ABL2: variants seen among roughly 807,000 people sequenced by gnomAD.
ABL2 encodes the protein ABL proto-oncogene 2, non-receptor tyrosine kinase, also known as tyrosine-protein kinase ABL2.
In ABL2, 49 loss-of-function variants were observed where a neutral mutation model predicts 107.7. The ratio of observed to expected loss-of-function variants is 0.45; its 90% CI spans 0.36 to 0.58. ABL2 has a LOEUF of 0.58. ABL2 is among the 20% of genes least tolerant of loss of function. The probability of loss-of-function intolerance (pLI) is 0.00; values close to 1 mark genes in which losing one functional copy is unlikely to be tolerated. For synonymous variants in ABL2, 549 were observed against 548.6 expected, an observed-to-expected ratio of 1.00 and a Z score of -0.01; for missense variants, 1,245 against 1,457.0, an observed-to-expected ratio of 0.85 and a Z score of 2.37.
intron 1 of ABL2, among the ~76,000 whole-genome samples, chr1:179,135,605 G>T (rs1409022161): frequency 6.6e-6 from 1 of 151,770 alleles, no homozygotes; most frequent in African/African-American, 2.4e-5. Context: ...GAGGTGGGGG[G>T]GTCAGCCCCC....
At position 179,229,287 on chromosome 1, in the gene ABL2, C is replaced by T. The variant is rs1370262408; in HGVS notation, c.111G>A (p.Pro37=). The T allele has an allele frequency of 3.2e-6, 5 of 1,572,156 alleles. No individual in the cohort carries two copies. In the South Asian group the frequency reaches 5.8e-5, roughly 18 times the overall value. ...AGCCGGTCTCTGTGGTGCGCCCCGC[C>T]GGGTCCCGCCTGCGGCCGGAGGGCC... is the stretch of plus-strand genomic sequence containing the variant. The part of the protein sequence containing the change: ...AARPSGRRRD[P]AGRTTETGFN... Residue 37 remains proline (P), a synonymous_variant, in exon 1 of 12, where the codon CCG becomes CCA. Transcript: ENST00000502732.
In ABL2 at chr1:179,107,574, G is replaced by A. The variant is rs148807564; in HGVS notation, c.*144C>T. Reference sequence around the variant, plus strand: ...TTATTTTTGAGATGAAACTGTAAACGTGAGAACTCAGGGATCTGAGGTACT... The same window carrying A: ...TTATTTTTGAGATGAAACTGTAAACATGAGAACTCAGGGATCTGAGGTACT... On this transcript the variant is annotated 3_prime_UTR_variant, in exon 12 of 12. Transcript: ENST00000502732. 22 of 1,438,552 alleles carry A rather than the reference G, an allele frequency of 1.5e-5. No homozygotes were observed. The Admixed American group carries it at 3.5e-4, about 23-fold the overall frequency. The allele number at this position is 1,438,552 out of a possible 1,614,324, so 89.1% of individuals were successfully genotyped here.
In ABL2 at chr1:179,199,493, C is replaced by G. The variant is rs189624296; in HGVS notation, c.157+29748G>C. Among the ~76,000 whole-genome samples, 17 of 152,148 alleles carry G rather than the reference C, an allele frequency of 1.1e-4. No homozygotes were observed. In the East Asian group the frequency reaches 3.1e-3, roughly 28 times the overall value. ...ACTTTACCTTCTCTCTTTTTCTCCC[C>G]CTTTAAACTTCTCCAATCTCTCTAC... On this transcript the variant is annotated intron_variant, in intron 1 of 11. Coordinates refer to ENST00000502732, the MANE Select transcript of ABL2 (RefSeq NM_007314.4).
rs889086444 is a variant in ABL2 at position 179,103,233 on chromosome 1, T to C, written c.*4485A>G. The C allele has an allele frequency of 9.6e-6, 2 of 209,316 alleles. No individual in the cohort carries two copies. Among genetic ancestry groups the C allele is most frequent in the Admixed American group, 5.9e-5 (1 of 16,916 alleles). 13.0% of individuals were successfully genotyped at this position (209,316 alleles called of 1,614,324 possible). The stretch of plus-strand genomic sequence containing the variant: ...TCTGAACTACAACTTTAGCAAACAC[T>C]TGCTATACCTGCTCATACCTGTTAA... On this transcript the variant is annotated 3_prime_UTR_variant, in exon 12 of 12. Coordinates refer to ENST00000502732, the MANE Select transcript of ABL2 (RefSeq NM_007314.4).
Position 179,112,492 on chromosome 1 carries a change from A to C in ABL2, c.1562-94T>G, listed in dbSNP as rs552639421. 4.0e-5 allele frequency: 36 copies of C among 903,550 alleles called. No homozygotes were observed. The South Asian group carries it at 5.6e-4, about 14-fold the overall frequency. 56.0% of individuals were successfully genotyped at this position (903,550 alleles called of 1,614,324 possible). A position where few individuals can be genotyped will look rare whatever the true frequency, so the allele number is the denominator to read the frequency against. The stretch of plus-strand genomic sequence containing the variant: ...ATGAGTTCTATGCATCATGATGCAC[A>C]CTTATTAAAGTACAGTTACAGCATG... On this transcript the variant is annotated intron_variant, in intron 9 of 11. Transcript: ENST00000502732.
At chr1:179,175,705 T>C (rs960709320) in intron 1 of ABL2, among the ~76,000 whole-genome samples, 17 of 152,166 alleles carry the variant, frequency 1.1e-4, no homozygotes, top group African/African-American at 3.9e-4. Flanking sequence ...CTGTCTGGCA[T>C]GTCACTGTCT....
intron 1 of ABL2, among the ~76,000 whole-genome samples, chr1:179,195,856 A>G (rs1661279686): frequency 6.6e-6 from 1 of 152,236 alleles, no homozygotes; most frequent in African/African-American, 2.4e-5. Context: ...GCAGAAAGTA[A>G]AATGTGGTTG....
chr1:179,172,603 G>T (rs369714110), intron 1 of ABL2, among the ~76,000 whole-genome samples: 3 of 152,080 alleles, frequency 2.0e-5, no homozygotes, highest in African/African-American at 7.2e-5. Flanking sequence ...CAATCTCCCT[G>T]ACCATAGAAA....
At chr1:179,197,423 A>T (rs984302750) in intron 1 of ABL2, among the ~76,000 whole-genome samples, 1 of 152,216 alleles carries the variant, frequency 6.6e-6, no homozygotes, top group African/African-American at 2.4e-5. Flanking sequence ...TGTACAACTA[A>T]ACCTGCTATG....
chr1:179,215,225 G>T (rs1443088336), intron 1 of ABL2, among the ~76,000 whole-genome samples: 2 of 151,812 alleles, frequency 1.3e-5, no homozygotes, highest in African/African-American at 4.8e-5. Context: ...GGCAAGAGAA[G>T]TGTTAATATA....
chr1:179,228,200 A>G (rs1663337224), intron 1 of ABL2, among the ~76,000 whole-genome samples: 2 of 151,414 alleles, frequency 1.3e-5, no homozygotes, highest in African/African-American at 4.9e-5. Context: ...TACAAAAATT[A>G]GCCGGGCGTG....
intron 1 of ABL2, among the ~76,000 whole-genome samples, chr1:179,200,612 G>A (rs917268984): frequency 6.6e-6 from 1 of 152,076 alleles, no homozygotes; most frequent in African/African-American, 2.4e-5. Context: ...CCTACCCATT[G>A]AAAGCTTCCA....
At chr1:179,109,962 G>A (rs1019558649) in intron 11 of ABL2, among the ~76,000 whole-genome samples, 1 of 151,678 alleles carries the variant, frequency 6.6e-6, no homozygotes, top group East Asian at 1.9e-4. Context: ...TGGGGGAGGA[G>A]ATAACCTGCT....
intron 1 of ABL2, among the ~76,000 whole-genome samples, chr1:179,172,380 CTT>C (rs1659771962): frequency 6.6e-6 from 1 of 152,104 alleles, no homozygotes; most frequent in South Asian, 2.1e-4. Flanking sequence ...CTAAGTCAGT[CTT>C]TTTCAATCTA....
At chr1:179,225,492 A>C (rs1663138289) in intron 1 of ABL2, among the ~76,000 whole-genome samples, 1 of 152,216 alleles carries the variant, frequency 6.6e-6, no homozygotes, top group South Asian at 2.1e-4. Context: ...TTTCGAATCT[A>C]ATTCATTCAT....
At chr1:179,121,336 T>C (rs1240842096) in intron 5 of ABL2, among the ~76,000 whole-genome samples, 2 of 152,092 alleles carry the variant, frequency 1.3e-5, no homozygotes, top group Admixed American at 1.3e-4. Context: ...TTTAATTTGC[T>C]TCTAACCTCC....
At chr1:179,117,613 G>A (rs1654776001) in intron 7 of ABL2, 97 bp from the exon 8 acceptor site, 3 of 1,238,030 alleles carry the variant, frequency 2.4e-6, no homozygotes, top group South Asian at 2.8e-5. Context: ...GCAGAGTTAA[G>A]TAAGTGCTGA....
At chr1:179,224,466 A>G (rs2124872697) in intron 1 of ABL2, among the ~76,000 whole-genome samples, 1 of 151,996 alleles carries the variant, frequency 6.6e-6, no homozygotes, top group South Asian at 2.1e-4. Flanking sequence ...ACAGGGTTTC[A>G]CCATGTTGGC....
intron 1 of ABL2, among the ~76,000 whole-genome samples, chr1:179,190,775 T>C (rs1660965085): frequency 6.6e-6 from 1 of 152,142 alleles, no homozygotes; most frequent in Admixed American, 6.5e-5. Context: ...GTGAGAGTCC[T>C]AGAATTTTAG....
Sources: allele counts gnomAD v4.1 joint callset (sites outside exome capture counted in the v4.1 genomes callset), GRCh38; gene constraint gnomAD v4.1.1; transcripts MANE v1.5; gene names NCBI Gene and HGNC (gene_info 2026-07-23, HGNC 2026-07-21).